PTPN3: variants seen among roughly 807,000 people sequenced by gnomAD.
PTPN3 encodes protein tyrosine phosphatase non-receptor type 3.
Under a neutral mutation model 132.7 loss-of-function variants are expected in PTPN3, and 96 were observed. That is an observed-to-expected ratio of 0.72 (90% CI 0.61 to 0.86). The LOEUF (loss-of-function observed/expected upper bound fraction) is 0.86, where lower values mean the gene tolerates loss of function less well. Among genes scored for constraint, PTPN3 ranks in the 40% least tolerant of loss-of-function variants. The pLI is 0.00. For synonymous variants in PTPN3, 398 were observed against 429.0 expected (o/e 0.93, Z 0.89); for missense variants, 1,125 against 1,159.6 (o/e 0.97, Z 0.43).
At chr9:109,517,893 G>A in the PTPN3 span, among the ~76,000 whole-genome samples, 5 of 152,168 alleles carry the variant, frequency 3.3e-5, no homozygotes, top group Non-Finnish European at 7.3e-5. Context: ...ATGAGAGAGA[G>A]GGTGGACATT....
chr9:109,490,570 T>C (rs1373014699), intron 1 of PTPN3, among the ~76,000 whole-genome samples: 2 of 152,074 alleles, frequency 1.3e-5, no homozygotes, highest in Non-Finnish European at 2.9e-5. Context: ...AAATCCCGTC[T>C]CTACTAAAAA....
intron 5 of PTPN3, chr9:109,451,249 T>C (rs534393415): frequency 1.0e-6 from 1 of 984,756 alleles, no homozygotes; most frequent in East Asian, 1.1e-4. Flanking sequence ...TATCTGGCAG[T>C]CCTGGTGGCC....
the PTPN3 span, chr9:109,534,419 G>A: frequency 7.2e-7 from 1 of 1,387,750 alleles, no homozygotes; most frequent in Non-Finnish European, 9.4e-7. Flanking sequence ...GTGGTGGTGG[G>A]GCTGCTCAGG....
intron 21 of PTPN3, among the ~76,000 whole-genome samples, chr9:109,389,934 A>T (rs1298267754): frequency 6.6e-6 from 1 of 152,172 alleles, no homozygotes; most frequent in Non-Finnish European, 1.5e-5. Flanking sequence ...TTCCTGCTCC[A>T]TGTTTCCTTT....
At chr9:109,425,045 G>A (rs997946935) in intron 12 of PTPN3, among the ~76,000 whole-genome samples, 1 of 152,148 alleles carries the variant, frequency 6.6e-6, no homozygotes, top group Non-Finnish European at 1.5e-5. Flanking sequence ...TGAGGATCAG[G>A]CCCAACCTAA....
In PTPN3 at chr9:109,447,567, C is replaced by T. The variant is rs1844945734; in HGVS notation, c.413+1244G>A. On this transcript the variant is annotated intron_variant, in intron 6 of 25. Transcript: ENST00000374541. ...GCTAAGTGATGAGAATTCTATAATT[C>T]TATGAGTGCTCAATAGTCAACAGCT... Among the ~76,000 whole-genome samples the T allele has an allele frequency of 2.6e-5, 4 of 152,136 alleles. No individual in the cohort carries two copies. In the South Asian group the frequency reaches 8.3e-4, roughly 32 times the overall value.
chr9:109,484,901 T>C (rs1847139711), intron 1 of PTPN3, among the ~76,000 whole-genome samples: 1 of 152,140 alleles, frequency 6.6e-6, no homozygotes, highest in Non-Finnish European at 1.5e-5. Flanking sequence ...ACCAGTGGTT[T>C]CCCCAGCTGG....
intron 19 of PTPN3, among the ~76,000 whole-genome samples, chr9:109,400,986 G>C (rs538661205): frequency 8.9e-4 from 136 of 152,286 alleles, no homozygotes; most frequent in African/African-American, 3.2e-3. Context: ...AAGAGGCTGG[G>C]CTTTGAGGAC....
At chr9:109,381,371 G>A (rs150805625) in intron 25 of PTPN3, among the ~76,000 whole-genome samples, 3,404 of 152,264 alleles carry the variant, frequency 0.022, 54 homozygotes, top group Non-Finnish European at 0.032. Context: ...TAGGTGGGTC[G>A]GTGCGGGGGA....
chr9:109,423,715 T>C (rs1159847828), intron 12 of PTPN3, among the ~76,000 whole-genome samples: 1 of 152,214 alleles, frequency 6.6e-6, no homozygotes, highest in Non-Finnish European at 1.5e-5. Context: ...CTTAGCTATC[T>C]AGACCCCTCA....
chr9:109,417,532 G>GTTTTTTTTTTTTTTTTTT (rs34687094), intron 14 of PTPN3: 1 of 724,774 alleles, frequency 1.4e-6, no homozygotes, highest in Non-Finnish European at 1.7e-6. Context: ...TAACCAACAG[G>GTTTTTTTTTTTTTTTTTT]TTTTTTTTTT....
At chr9:109,416,992 T>C (rs1240074137) in intron 14 of PTPN3, among the ~76,000 whole-genome samples, 1 of 152,218 alleles carries the variant, frequency 6.6e-6, no homozygotes, top group Non-Finnish European at 1.5e-5. Flanking sequence ...TGTCTCTTTC[T>C]TTAGGGAACA....
intron 22 of PTPN3, among the ~76,000 whole-genome samples, chr9:109,386,648 G>A (rs1353342280): frequency 6.6e-6 from 1 of 152,094 alleles, no homozygotes; most frequent in Admixed American, 6.5e-5. Flanking sequence ...CAGAGGGAAT[G>A]GGACACACAT....
intron 22 of PTPN3, among the ~76,000 whole-genome samples, chr9:109,388,702 C>A (rs1481130744): frequency 6.6e-6 from 1 of 152,150 alleles, no homozygotes; most frequent in African/African-American, 2.4e-5. Context: ...GGGTTATCAG[C>A]CCTAAGACAA....
chr9:109,433,196 T>TA (rs1843784264), intron 9 of PTPN3, 35 bp from the exon 10 acceptor site: 1 of 1,612,502 alleles, frequency 6.2e-7, no homozygotes, highest in Non-Finnish European at 8.5e-7. Flanking sequence ...CACAGCATGT[T>TA]ACAGTCATGC....
At position 109,375,761 on chromosome 9, in the gene PTPN3, CA is replaced by C. The variant is rs1287868245; in HGVS notation, c.*3794del. Reference sequence around the variant, plus strand: ...TTTTTCAGTAGAATCACTGACAGAACAGGTCAGAATGAAAAACATTCCAAAT... The same window carrying C: ...TTTTTCAGTAGAATCACTGACAGAACGGTCAGAATGAAAAACATTCCAAAT... On this transcript the variant is annotated 3_prime_UTR_variant, in exon 26 of 26. Transcript: ENST00000374541. The C allele has an allele frequency of 2.0e-5, 3 of 152,158 alleles. No individual in the cohort carries two copies. The highest frequency in any genetic ancestry group is 6.5e-5 in the Admixed American group (1 of 15,280). 9.4% of individuals were successfully genotyped at this position (152,158 alleles called of 1,614,324 possible). A position where few individuals can be genotyped will look rare whatever the true frequency, so the allele number is the denominator to read the frequency against.
the PTPN3 span, chr9:109,532,827 A>G: frequency 8.6e-6 from 8 of 928,098 alleles, no homozygotes; most frequent in Non-Finnish European, 1.2e-5. Flanking sequence ...GATAAGTCGG[A>G]ATTTACTCAG....
At chr9:109,532,852 G>T in the PTPN3 span, 1 of 1,064,100 alleles carries the variant, frequency 9.4e-7, no homozygotes, top group Non-Finnish European at 1.2e-6. Flanking sequence ...GCCCTGCTTA[G>T]CCTCGGGAGC....
intron 1 of PTPN3, among the ~76,000 whole-genome samples, chr9:109,483,241 T>C (rs1235569326): frequency 1.3e-5 from 2 of 152,228 alleles, no homozygotes; most frequent in Non-Finnish European, 2.9e-5. Context: ...ACCATGTTCC[T>C]GGCAATTTCA....
Sources: allele counts gnomAD v4.1 joint callset (sites outside exome capture counted in the v4.1 genomes callset), GRCh38; gene constraint gnomAD v4.1.1; transcripts MANE v1.5; gene names NCBI Gene and HGNC (gene_info 2026-07-23, HGNC 2026-07-21).